The following ATF7IP2 variants were observed in gnomAD, a reference collection of about 807,000 sequenced individuals.
ATF7IP2 encodes activating transcription factor 7-interacting protein 2.
Under a neutral mutation model 64.2 loss-of-function variants are expected in ATF7IP2, and 42 were observed. The observed-to-expected ratio is 0.65, with a 90% confidence interval of 0.51 to 0.85. ATF7IP2 has a LOEUF of 0.85. Among genes scored for constraint, ATF7IP2 ranks in the 40% least tolerant of loss-of-function variants. The probability of loss-of-function intolerance (pLI) is 0.00; values close to 1 mark genes in which losing one functional copy is unlikely to be tolerated. For synonymous variants in ATF7IP2, 308 were observed against 272.8 expected (o/e 1.13, Z -1.27); for missense variants, 933 against 784.2 (o/e 1.19, Z -2.27).
intron 6 of ATF7IP2, among the ~76,000 whole-genome samples, chr16:10,436,502 T>C (rs2048424089): frequency 6.6e-6 from 1 of 152,004 alleles, no homozygotes; most frequent in South Asian, 2.1e-4. Context: ...GGAAGAAATG[T>C]TAGTGAAGCA....
chr16:10,425,783 T>C (rs7205472), intron 3 of ATF7IP2, among the ~76,000 whole-genome samples: 116,878 of 151,722 alleles, frequency 0.77, 45,460 homozygotes, highest in East Asian at 0.87. Context: ...ATCCCAGCTG[T>C]TCGTGAGGCT....
At chr16:10,419,186 A>G (rs2047939599) in intron 2 of ATF7IP2, among the ~76,000 whole-genome samples, 1 of 152,226 alleles carries the variant, frequency 6.6e-6, no homozygotes. Context: ...ACCAGAAAGC[A>G]TGTGTAACTG....
At chr16:10,421,406 C>T (rs148729950) in intron 3 of ATF7IP2, among the ~76,000 whole-genome samples, 119 of 152,242 alleles carry the variant, frequency 7.8e-4, no homozygotes, top group African/African-American at 2.6e-3. Context: ...AGGGCTATTG[C>T]GACTAGGATC....
intron 3 of ATF7IP2, among the ~76,000 whole-genome samples, chr16:10,426,029 G>T (rs1056180063): frequency 1.8e-4 from 27 of 152,156 alleles, no homozygotes; most frequent in African/African-American, 6.5e-4. Context: ...ATACAGCCAA[G>T]CAATTATGCA....
At chr16:10,419,218 A>G (rs1160870212) in intron 2 of ATF7IP2, among the ~76,000 whole-genome samples, 1 of 152,234 alleles carries the variant, frequency 6.6e-6, no homozygotes. Context: ...GATTACATCC[A>G]GGCATTATTG....
intron 8 of ATF7IP2, chr16:10,445,975 G>A (rs1282453785): frequency 6.6e-6 from 1 of 152,176 alleles, no homozygotes; most frequent in Non-Finnish European, 1.5e-5. Context: ...AGTGCTTTAG[G>A]CTTGATATAA....
intron 10 of ATF7IP2, 69 bp from the exon 11 acceptor site, chr16:10,473,410 T>C (rs1235632632): frequency 6.2e-6 from 6 of 961,946 alleles, no homozygotes; most frequent in Non-Finnish European, 8.3e-6. Flanking sequence ...TATTTTGTTT[T>C]AGCATTCATA....
intron 8 of ATF7IP2, among the ~76,000 whole-genome samples, chr16:10,440,825 C>T (rs546585768): frequency 5.3e-5 from 8 of 152,168 alleles, no homozygotes; most frequent in Admixed American, 1.3e-4. Flanking sequence ...TAGGTATACA[C>T]GTGTCATGGT....
intron 6 of ATF7IP2, among the ~76,000 whole-genome samples, chr16:10,437,608 A>G (rs556262949): frequency 7.4e-4 from 112 of 152,312 alleles, no homozygotes; most frequent in Non-Finnish European, 1.4e-3. Flanking sequence ...AAATAATGTG[A>G]CTGACTAAAG....
intron 1 of ATF7IP2, among the ~76,000 whole-genome samples, chr16:10,404,847 G>A (rs1007737025): frequency 2.0e-5 from 3 of 152,068 alleles, no homozygotes; most frequent in Non-Finnish European, 2.9e-5. Flanking sequence ...CCAACCAGAA[G>A]TAACCTTACA....
At position 10,443,351 on chromosome 16, in the gene ATF7IP2, A is replaced by G. The variant is rs190045922; in HGVS notation, c.1194+2889A>G. Among the ~76,000 whole-genome samples, 215 of 152,276 alleles carry G rather than the reference A, an allele frequency of 1.4e-3. 1 individual carries two copies. Among genetic ancestry groups the G allele is most frequent in the Non-Finnish European group, 1.6e-3 (108 of 68,024 alleles). ...CCTGCAGGGTGCTGGACTTCAGGCA[A>G]TAGCAGAGAGAGAGCTTGGCATGAC... On this transcript the variant is annotated intron_variant, in intron 8 of 13. Coordinates refer to ENST00000562102, the MANE Select transcript of ATF7IP2 (RefSeq NM_001393719.1).
intron 12 of ATF7IP2, among the ~76,000 whole-genome samples, chr16:10,476,706 T>G (rs758627541): frequency 6.6e-6 from 1 of 152,192 alleles, no homozygotes; most frequent in Non-Finnish European, 1.5e-5. Context: ...CCTCCCTATG[T>G]CCATGTGTTC....
chr16:10,442,716 A>C (rs1047171967), intron 8 of ATF7IP2, among the ~76,000 whole-genome samples: 1 of 152,288 alleles, frequency 6.6e-6, no homozygotes, highest in African/African-American at 2.4e-5. Flanking sequence ...TCCTATCACG[A>C]TACAGACTCC....
chr16:10,396,833 T>G (rs2047429989), intron 1 of ATF7IP2, among the ~76,000 whole-genome samples: 1 of 151,740 alleles, frequency 6.6e-6, no homozygotes, highest in African/African-American at 2.4e-5. Flanking sequence ...AAAAAATTTT[T>G]TTTTTAAGAT....
intron 2 of ATF7IP2, among the ~76,000 whole-genome samples, chr16:10,415,015 A>C (rs556565780): frequency 6.6e-6 from 1 of 152,340 alleles, no homozygotes; most frequent in East Asian, 1.9e-4. Context: ...ATGTTTGTGG[A>C]TTAGAAAAAT....
At chr16:10,434,858 C>T (rs1319873755) in intron 6 of ATF7IP2, among the ~76,000 whole-genome samples, 3 of 152,156 alleles carry the variant, frequency 2.0e-5, no homozygotes, top group African/African-American at 7.2e-5. Flanking sequence ...AGTGCAGTGG[C>T]ACAGTCTCGG....
chr16:10,440,975 C>G (rs192827611), intron 8 of ATF7IP2, among the ~76,000 whole-genome samples: 1 of 152,116 alleles, frequency 6.6e-6, no homozygotes, highest in Admixed American at 6.5e-5. Flanking sequence ...TTGTTCAACT[C>G]CCACTTATGA....
At chr16:10,395,775 T>C (rs1257496272) in intron 1 of ATF7IP2, among the ~76,000 whole-genome samples, 1 of 152,186 alleles carries the variant, frequency 6.6e-6, no homozygotes, top group Non-Finnish European at 1.5e-5. Flanking sequence ...TGGAACTTCC[T>C]TAACTTGTTA....
At chr16:10,460,551 T>A (rs1485846295) in intron 9 of ATF7IP2, among the ~76,000 whole-genome samples, 2 of 152,088 alleles carry the variant, frequency 1.3e-5, no homozygotes, top group Non-Finnish European at 2.9e-5. Context: ...CGGAAACCCA[T>A]GTATGTATGT....
Sources: gnomAD v4.1 joint callset for allele counts (sites outside exome capture counted in the v4.1 genomes callset) on GRCh38, gnomAD v4.1.1 for gene constraint, MANE v1.5 for transcripts, NCBI Gene and HGNC (gene_info 2026-07-23, HGNC 2026-07-21) for gene names.